Variants in MBD5 observed in about 807,000 individuals in gnomAD.
MBD5 encodes methyl-CpG binding domain protein 5.
In MBD5, 13 loss-of-function variants were observed where a neutral mutation model predicts 117.3. The observed-to-expected ratio is 0.11, with a 90% CI of 0.07 to 0.18. The LOEUF is 0.18. MBD5 is among the 10% of genes least tolerant of loss of function. MBD5 has a pLI of 1.00. For synonymous variants in MBD5, 727 were observed against 766.4 expected (o/e 0.95, Z 0.85); for missense variants, 1,879 against 2,093.8 (o/e 0.90, Z 2.00).
chr2:148,488,430 C>A (rs1279046132), intron 10 of MBD5, among the ~76,000 whole-genome samples: 1 of 152,024 alleles, frequency 6.6e-6, no homozygotes, highest in Non-Finnish European at 1.5e-5. Flanking sequence ...AGCATCCTCA[C>A]TGTAGATGTA....
intron 6 of MBD5, among the ~76,000 whole-genome samples, 187 bp downstream of exon 6, chr2:148,462,871 G>A (rs1173921855): frequency 6.6e-6 from 1 of 152,090 alleles, no homozygotes; most frequent in Non-Finnish European, 1.5e-5. Context: ...TCATGTCTAA[G>A]AGTCATTTTC....
intron 1 of MBD5, among the ~76,000 whole-genome samples, chr2:148,131,594 G>A (rs1697048548): frequency 6.6e-6 from 1 of 152,144 alleles, no homozygotes; most frequent in Non-Finnish European, 1.5e-5. Flanking sequence ...TACTCAGGAG[G>A]CTGAGGCAGG....
At chr2:148,337,601 G>A (rs951310851) in intron 3 of MBD5, among the ~76,000 whole-genome samples, 1 of 152,114 alleles carries the variant, frequency 6.6e-6, no homozygotes, top group Non-Finnish European at 1.5e-5. Flanking sequence ...GAGACAGATG[G>A]CTGAGGGACA....
In MBD5 at chr2:148,319,971, T is replaced by G. The variant is rs1439387985; in HGVS notation, c.-679-22243T>G. Among the ~76,000 whole-genome samples the G allele has an allele frequency of 3.3e-5, 5 of 152,192 alleles. No individual in the cohort carries two copies. The South Asian group carries it at 6.2e-4, about 19-fold the overall frequency. ...GAGGATTTTTATCATGAAGGGATGC[T>G]GAATTTTATTGAATGCCTTTTCTGC... On this transcript the variant is annotated intron_variant, in intron 3 of 13. Transcript: ENST00000642680.
intron 1 of MBD5, among the ~76,000 whole-genome samples, chr2:148,039,722 A>G (rs920164645): frequency 1.3e-5 from 2 of 152,190 alleles, no homozygotes; most frequent in South Asian, 4.1e-4. Flanking sequence ...TAGAGTCTAT[A>G]TGAAAATACT....
intron 4 of MBD5, among the ~76,000 whole-genome samples, chr2:148,412,794 C>T (rs958356178): frequency 1.3e-5 from 2 of 152,036 alleles, no homozygotes; most frequent in African/African-American, 4.8e-5. Context: ...GATTTTTGTA[C>T]ATTGATTTTG....
intron 1 of MBD5, among the ~76,000 whole-genome samples, chr2:148,052,639 C>T (rs1456775249): frequency 2.6e-5 from 4 of 151,990 alleles, no homozygotes; most frequent in Non-Finnish European, 5.9e-5. Flanking sequence ...AACTTTCCTT[C>T]TGATTTGTTC....
intron 1 of MBD5, among the ~76,000 whole-genome samples, chr2:148,104,807 T>C (rs560413158): frequency 6.6e-6 from 1 of 152,288 alleles, no homozygotes; most frequent in East Asian, 1.9e-4. Context: ...TGTGACACTT[T>C]CATGTTTACA....
chr2:148,126,798 G>C (rs751503792), intron 1 of MBD5, among the ~76,000 whole-genome samples: 2 of 151,978 alleles, frequency 1.3e-5, no homozygotes, highest in South Asian at 2.1e-4. Flanking sequence ...ACAACACACT[G>C]CTTACCCAAA....
intron 1 of MBD5, among the ~76,000 whole-genome samples, chr2:148,030,046 G>A (rs1693997069): frequency 2.0e-5 from 3 of 152,154 alleles, no homozygotes; most frequent in Non-Finnish European, 2.9e-5. Flanking sequence ...CAAGGTGGGT[G>A]GATTGCTTGA....
intron 2 of MBD5, among the ~76,000 whole-genome samples, chr2:148,228,425 G>A (rs554029114): frequency 4.7e-4 from 71 of 152,202 alleles, no homozygotes; most frequent in East Asian, 1.2e-3. Flanking sequence ...ATTGATTTTC[G>A]TATGATGAAC....
chr2:148,112,780 T>C (rs940800214), intron 1 of MBD5, among the ~76,000 whole-genome samples: 7 of 152,172 alleles, frequency 4.6e-5, no homozygotes, highest in Admixed American at 1.3e-4. Flanking sequence ...AAATTCAATC[T>C]GGACTCAGAA....
rs1472021915 is a variant in MBD5, at chr2:148,021,461, T to A, written c.-1148T>A. On this transcript the variant is annotated 5_prime_UTR_variant, in exon 1 of 14. Transcript: ENST00000642680. ...AGCAACACAGACCCTTTGCTGCTGC[T>A]GTTGCTGCTGCTGCTGCTGTTGCTG... The A allele has an allele frequency of 1.7e-6, 1 of 576,288 alleles. No homozygotes were observed. Among genetic ancestry groups the A allele is most frequent in the African/African-American group, 1.9e-5 (1 of 53,016 alleles). 35.7% of individuals were successfully genotyped at this position (576,288 alleles called of 1,614,324 possible). A position where few individuals can be genotyped will look rare whatever the true frequency, so the allele number is the denominator to read the frequency against.
chr2:148,430,391 G>A (rs1705947773), intron 4 of MBD5, among the ~76,000 whole-genome samples: 1 of 152,060 alleles, frequency 6.6e-6, no homozygotes, highest in South Asian at 2.1e-4. Context: ...CCAACATACT[G>A]TGCTAATTTT....
At chr2:148,192,994 G>T (rs1247508554) in intron 2 of MBD5, among the ~76,000 whole-genome samples, 1 of 93,872 alleles carries the variant, frequency 1.1e-5, no homozygotes, top group Non-Finnish European at 2.2e-5. Context: ...AATCATGAGT[G>T]AACTCCCATT....
chr2:148,118,828 C>A (rs1424307616), intron 1 of MBD5, among the ~76,000 whole-genome samples: 3 of 152,100 alleles, frequency 2.0e-5, no homozygotes, highest in Non-Finnish European at 4.4e-5. Flanking sequence ...TTAAAGTTTT[C>A]ATGGTTTATC....
intron 4 of MBD5, among the ~76,000 whole-genome samples, chr2:148,403,003 A>G (rs765098689): frequency 5.3e-5 from 8 of 151,952 alleles, no homozygotes; most frequent in Non-Finnish European, 1.2e-4. Flanking sequence ...TATATCTTCA[A>G]GTTCACTAAT....
At chr2:148,135,757 A>C (rs1212333581) in intron 1 of MBD5, among the ~76,000 whole-genome samples, 2 of 152,146 alleles carry the variant, frequency 1.3e-5, no homozygotes, top group Non-Finnish European at 2.9e-5. Context: ...CAAAAGGATT[A>C]TTTTTGGTTA....
chr2:148,431,863 A>G (rs1705997450), intron 4 of MBD5, among the ~76,000 whole-genome samples: 1 of 152,052 alleles, frequency 6.6e-6, no homozygotes, highest in African/African-American at 2.4e-5. Context: ...ATGTGTCTTT[A>G]TGATAGAATG....
Sources: gnomAD v4.1 joint callset for allele counts (sites outside exome capture counted in the v4.1 genomes callset) on GRCh38, gnomAD v4.1.1 for gene constraint, MANE v1.5 for transcripts, NCBI Gene and HGNC (gene_info 2026-07-23, HGNC 2026-07-21) for gene names.